MYH15: variants seen among roughly 807,000 people sequenced by gnomAD.
MYH15 encodes the protein myosin heavy chain 15.
A neutral mutation model predicts 240.5 loss-of-function variants in MYH15; 227 were observed. That is an observed-to-expected ratio of 0.94 (90% CI 0.85 to 1.05). MYH15 has a LOEUF of 1.05. Ranked by LOEUF, MYH15 falls within the 50% of genes least tolerant of loss-of-function variation. The pLI is 0.00. For missense variants in MYH15, 2,217 were observed against 2,247.5 expected (o/e 0.99, Z 0.27); for synonymous variants, 785 against 796.7 (o/e 0.99, Z 0.25).
chr3:108,413,416 A>G (rs1320879296), intron 30 of MYH15, among the ~76,000 whole-genome samples: 2 of 152,238 alleles, frequency 1.3e-5, no homozygotes, highest in Non-Finnish European at 2.9e-5. Flanking sequence ...ACTGAAAAAC[A>G]TTATTTCTGG....
At chr3:108,506,543 C>T (rs964775616) in intron 1 of MYH15, among the ~76,000 whole-genome samples, 4 of 152,144 alleles carry the variant, frequency 2.6e-5, no homozygotes, top group African/African-American at 9.7e-5. Flanking sequence ...GGCAGCTTCT[C>T]TTTCTCTCCC....
chr3:108,509,856 AC>A (rs1167110601), intron 1 of MYH15, among the ~76,000 whole-genome samples: 3 of 152,040 alleles, frequency 2.0e-5, no homozygotes, highest in African/African-American at 7.2e-5. Flanking sequence ...CTTGCCTGTA[AC>A]TACCAAGGAA....
intron 11 of MYH15, among the ~76,000 whole-genome samples, chr3:108,480,031 C>T (rs1420417605): frequency 6.6e-6 from 1 of 152,004 alleles, no homozygotes; most frequent in Non-Finnish European, 1.5e-5. Context: ...GATAAATAAA[C>T]AAGGCAAAAA....
At chr3:108,439,570 C>T (rs527459796) in intron 24 of MYH15, among the ~76,000 whole-genome samples, 167 bp downstream of exon 24, 8 of 152,278 alleles carry the variant, frequency 5.3e-5, no homozygotes, top group African/African-American at 9.6e-5. Flanking sequence ...CTTATACTAT[C>T]GTGGTTTTGT....
At chr3:108,533,258 G>A (rs1367235140), upstream of MYH15, among the ~76,000 whole-genome samples, 1 of 151,364 alleles carries the variant, frequency 6.6e-6, no homozygotes, top group Non-Finnish European at 1.5e-5. Flanking sequence ...AGAAGTGCAT[G>A]CCAGAATTTC....
rs765715704 is a variant in MYH15, at chr3:108,394,101, T to C, written c.5189A>G (p.Gln1730Arg). The C allele has an allele frequency of 2.2e-5, 35 of 1,614,060 alleles. No individual in the cohort carries two copies. The highest frequency in any genetic ancestry group is 2.9e-5 in the Non-Finnish European group (34 of 1,180,000). ...KKLEADVARM[Q>R]KEAEEVVQEC... Reference sequence around the variant, plus strand: ...CTGCACCACCTCTTCAGCTTCTTTCTGCATCCGGGCAACATCAGCCTCCAG... The same window carrying C: ...CTGCACCACCTCTTCAGCTTCTTTCCGCATCCGGGCAACATCAGCCTCCAG... Residue 1730 changes from glutamine (Q) to arginine (R), a missense_variant, in exon 36 of 41, where the codon CAG (glutamine) becomes CGG (arginine). By Grantham distance (43) the Gln-to-Arg change is conservative (BLOSUM62 1). Transcript: ENST00000693548.
At chr3:108,443,772 G>T (rs1254643794) in intron 22 of MYH15, among the ~76,000 whole-genome samples, 5 of 151,826 alleles carry the variant, frequency 3.3e-5, no homozygotes, top group Non-Finnish European at 5.9e-5. Flanking sequence ...TCTTAATCTG[G>T]ACTGGATATC....
intron 10 of MYH15, 68 bp from the exon 11 acceptor site, chr3:108,485,297 G>T: frequency 1.3e-6 from 2 of 1,569,554 alleles, no homozygotes; most frequent in Non-Finnish European, 1.7e-6. Context: ...CCTCACCCCC[G>T]CTGTGTTACA....
chr3:108,432,890 C>A (rs2082791308), intron 25 of MYH15, among the ~76,000 whole-genome samples: 1 of 152,208 alleles, frequency 6.6e-6, no homozygotes, highest in South Asian at 2.1e-4. Context: ...TCATGGAGAA[C>A]CTCTGCTATA....
intron 25 of MYH15, among the ~76,000 whole-genome samples, chr3:108,436,999 G>T (rs1352734324): frequency 6.6e-6 from 1 of 152,138 alleles, no homozygotes; most frequent in Admixed American, 6.5e-5. Context: ...TCTTTGGGGT[G>T]TAAGGAATCC....
intron 1 of MYH15, among the ~76,000 whole-genome samples, chr3:108,519,442 C>A (rs2083599730): frequency 6.6e-6 from 1 of 152,088 alleles, no homozygotes; most frequent in African/African-American, 2.4e-5. Context: ...CCATATTTTA[C>A]AGGTGAGTAT....
the MYH15 span, among the ~76,000 whole-genome samples, chr3:108,547,236 A>G: frequency 1.3e-5 from 2 of 152,162 alleles, no homozygotes; most frequent in East Asian, 3.9e-4. Flanking sequence ...CCCCTGCCTC[A>G]AATGATCTGC....
intron 16 of MYH15, among the ~76,000 whole-genome samples, 179 bp from the exon 17 acceptor site, chr3:108,460,546 T>C (rs1266879142): frequency 1.3e-5 from 2 of 152,172 alleles, no homozygotes; most frequent in African/African-American, 4.8e-5. Context: ...TTTAGTGTTT[T>C]TCCTTAAGGA....
rs1402567456 is a variant in MYH15 at position 108,394,140 on chromosome 3, C to A, written c.5150G>T (p.Ser1717Ile). 1 of 1,614,064 alleles carries A rather than the reference C, an allele frequency of 6.2e-7. No individual in the cohort carries two copies. Residue 1717 changes from serine (S) to isoleucine (I), a missense_variant, in exon 36 of 41, where the codon AGC (serine) becomes ATC (isoleucine). By Grantham distance (142) the Ser-to-Ile change is moderately radical. Transcript: ENST00000693548. ...ATCAGCCTCCAGTTTCTTCTTCTGG[C>A]TGAGGAGGCTTGTGTTCTAAAGAAA... ...LFYTQNTSLL[S>I]QKKKLEADVA...
At chr3:108,411,034 T>C (rs1314579976) in intron 30 of MYH15, 102 bp from the exon 31 acceptor site, 4 of 968,584 alleles carry the variant, frequency 4.1e-6, no homozygotes, top group Non-Finnish European at 6.1e-6. Flanking sequence ...CAAAGTAAGA[T>C]GGCGCCTCTG....
At chr3:108,407,262 TG>T (rs1158799437) in intron 32 of MYH15, among the ~76,000 whole-genome samples, 1 of 152,222 alleles carries the variant, frequency 6.6e-6, no homozygotes, top group Admixed American at 6.5e-5. Context: ...AGTGGTCCTT[TG>T]GGGTCTTGTT....
chr3:108,439,669 G>GAAGT (rs2082869187), intron 24 of MYH15, 68 bp downstream of exon 24: 1 of 1,260,024 alleles, frequency 7.9e-7, no homozygotes, highest in South Asian at 2.3e-5. Flanking sequence ...ATAAATTAAT[G>GAAGT]AAGTAAAAAC....
At chr3:108,461,118 G>A (rs1424574089) in intron 16 of MYH15, among the ~76,000 whole-genome samples, 5 of 152,172 alleles carry the variant, frequency 3.3e-5, no homozygotes, top group Non-Finnish European at 7.4e-5. Flanking sequence ...GTGCAACACA[G>A]CAACAACAAA....
intron 32 of MYH15, among the ~76,000 whole-genome samples, chr3:108,407,964 C>T (rs180782925): frequency 6.6e-6 from 1 of 152,272 alleles, no homozygotes; most frequent in Admixed American, 6.5e-5. Context: ...CCATGGGCCA[C>T]ATGTTGAGTA....
Sources: allele counts gnomAD v4.1 joint callset (sites outside exome capture counted in the v4.1 genomes callset), GRCh38; gene constraint gnomAD v4.1.1; transcripts MANE v1.5; gene names NCBI Gene and HGNC (gene_info 2026-07-23, HGNC 2026-07-21).